FGF4: variants seen among roughly 807,000 people sequenced by gnomAD.
FGF4 encodes fibroblast growth factor 4.
FGF4 carries 9 observed loss-of-function variants against 15.7 expected under a neutral mutation model. The observed-to-expected ratio is 0.57, with a 90% CI of 0.35 to 1.00. The LOEUF is 1.00. Ranked by LOEUF, FGF4 falls within the 50% of genes least tolerant of loss-of-function variation. FGF4 has a pLI of 0.02. For synonymous variants in FGF4, 164 were observed against 144.8 expected, an observed-to-expected ratio of 1.13 and a Z score of -0.95; for missense variants, 286 against 297.3, an observed-to-expected ratio of 0.96 and a Z score of 0.28.
chr11:69,773,615 A>C, intron 2 of FGF4, 130 bp from the exon 3 acceptor site: 4 of 793,310 alleles, frequency 5.0e-6, no homozygotes, highest in Non-Finnish European at 8.3e-6. Flanking sequence ...CTGAGCAGTT[A>C]AGGTGTCAAG....
chr11:69,774,873 C>A lies in FGF4; in HGVS notation c.212G>T (p.Ser71Ile). 6.7e-7 allele frequency: 1 copy of A among 1,501,048 alleles called. No homozygotes were observed. The highest frequency in any genetic ancestry group is 8.8e-7 in the Non-Finnish European group (1 of 1,132,574). The allele number at this position is 1,501,048 out of a possible 1,614,324, so 93.0% of individuals were successfully genotyped here. Residue 71 changes from serine (S) to isoleucine (I), a missense_variant, in exon 1 of 3, where the codon AGC (serine) becomes ATC (isoleucine). Coordinates refer to ENST00000168712, the MANE Select transcript of FGF4 (RefSeq NM_002007.4). ...AAQPKEAAVQ[S>I]GAGDYLLGIK... ...GCCCAGCAGGTAGTCGCCGGCGCCG[C>A]TCTGGACGGCCGCCTCCTTGGGCTG...
At position 69,773,462 on chromosome 11, in the gene FGF4, C is replaced by T. The variant is rs200135119; in HGVS notation, c.468G>A (p.Thr156=). ...TGTTGGGAAGGAGAATCTCCTTGAA[C>T]GTGCACTCATCGGTGAAGAAGGGCT... ...YGSPFFTDEC[T]FKEILLPNNY... Residue 156 remains threonine, a synonymous_variant, in exon 3 of 3, where the codon ACG becomes ACA. Transcript: ENST00000168712. 6.8e-6 allele frequency: 11 copies of T among 1,614,054 alleles called. No homozygotes were observed. The highest frequency in any genetic ancestry group is 9.3e-6 in the Non-Finnish European group (11 of 1,180,032).
Position 69,774,108 on chromosome 11 carries a change from G to A in FGF4, c.360C>T (p.Pro120=), listed in dbSNP as rs978028266. 4 of 1,612,322 alleles carry A rather than the reference G, an allele frequency of 2.5e-6. No individual in the cohort carries two copies. Among genetic ancestry groups the A allele is most frequent in the African/African-American group, 2.7e-5 (2 of 74,946 alleles). ...DTRDSLLELS[P]VERGVVSIFG... is the part of the protein sequence containing the mutation. ...AGATGCTCACCACGCCCCGCTCCAC[G>A]GGCGAGAGCTCCAGCAGGCCTGGGG... The change falls in exon 2 of 3, where the codon CCC becomes CCT. Residue 120 remains proline, a synonymous_variant. Coordinates refer to ENST00000168712, the MANE Select transcript of FGF4 (RefSeq NM_002007.4).
Position 69,775,030 on chromosome 11 carries a change from AGGCCAGCAG to A in FGF4, c.46_54del (p.Leu19_Ala21del). 1 of 1,430,152 alleles carries A rather than the reference AGGCCAGCAG, an allele frequency of 7.0e-7. No homozygotes were observed. Among genetic ancestry groups the A allele is most frequent in the Non-Finnish European group, 9.1e-7 (1 of 1,098,212 alleles). 88.6% of individuals were successfully genotyped at this position (1,430,152 alleles called of 1,614,324 possible). A position where few individuals can be genotyped will look rare whatever the true frequency, so the allele number is the denominator to read the frequency against. On this transcript the variant is annotated inframe_deletion, in exon 1 of 3. Transcript: ENST00000168712. ...CCTCGGCCCGCCCAGGGCGCCAGCA[AGGCCAGCAG>A]GACCGCCGGGAGCAGCGCTACCGCG...
chr11:69,775,087 C>G lies in FGF4; in HGVS notation c.-3G>C. 1.5e-6 allele frequency: 2 copies of G among 1,325,738 alleles called. No homozygotes were observed. The allele number at this position is 1,325,738 out of a possible 1,614,324, so 82.1% of individuals were successfully genotyped here. A position where few individuals can be genotyped will look rare whatever the true frequency, so the allele number is the denominator to read the frequency against. Reference sequence around the variant, plus strand: ...GCGGCCGTCCCGGGCCCCGACATCCCGGCCCGAGGGCCGTGCGTCGGTCAG... The same window carrying G: ...GCGGCCGTCCCGGGCCCCGACATCCGGGCCCGAGGGCCGTGCGTCGGTCAG... On this transcript the variant is annotated 5_prime_UTR_variant, in exon 1 of 3. Transcript: ENST00000168712.
rs369464323 is a variant in FGF4, at chr11:69,771,484, C to G, written c.*1825G>C. The stretch of plus-strand genomic sequence containing the variant: ...CGGATGATCCCTCCACACCCCCCAA[C>G]GCCAAACAGCATGGAGACCTACAAA... On this transcript the variant is annotated 3_prime_UTR_variant, in exon 3 of 3. Transcript: ENST00000168712. 3 of 152,288 alleles carry G rather than the reference C, an allele frequency of 2.0e-5. No homozygotes were observed. Among genetic ancestry groups the G allele is most frequent in the African/African-American group, 7.2e-5 (3 of 41,568 alleles). The allele number at this position is 152,288 out of a possible 1,614,324, so 9.4% of individuals were successfully genotyped here.
chr11:69,774,747 T>C lies in FGF4; in HGVS notation c.338A>G (p.Asp113Gly). 6.7e-7 allele frequency: 1 copy of C among 1,485,294 alleles called. No homozygotes were observed. Among genetic ancestry groups the C allele is most frequent in the Non-Finnish European group, 8.9e-7 (1 of 1,126,584 alleles). The allele number at this position is 1,485,294 out of a possible 1,614,324, so 92.0% of individuals were successfully genotyped here. A position where few individuals can be genotyped will look rare whatever the true frequency, so the allele number is the denominator to read the frequency against. The change falls in exon 1 of 3, where the codon GAC becomes GGC. Residue 113 changes from aspartate to glycine, a missense_variant and splice_region_variant. By Grantham distance (94) the Asp-to-Gly change is moderately conservative. Transcript: ENST00000168712. ...TCGCGCCTGGCCGCGCCACTCACTG[T>C]CGCGGGTGTCCGCGTGCGCGCCGCC... ...RIGGAHADTR[D>G]SLLELSPVER...
At position 69,775,047 on chromosome 11, in the gene FGF4, G is replaced by C. The variant is rs1345315922; in HGVS notation, c.38C>G (p.Pro13Arg). The C allele has an allele frequency of 8.6e-6, 12 of 1,397,630 alleles. No individual in the cohort carries two copies. Among genetic ancestry groups the C allele is most frequent in the Non-Finnish European group, 1.1e-5 (12 of 1,083,276 alleles). 86.6% of individuals were successfully genotyped at this position (1,397,630 alleles called of 1,614,324 possible). The change falls in exon 1 of 3, where the codon CCG becomes CGG. Residue 13 changes from proline (P) to arginine (R), a missense_variant. Physicochemically the swap from Pro to Arg is moderately radical, Grantham distance 103. Coordinates refer to ENST00000168712, the MANE Select transcript of FGF4 (RefSeq NM_002007.4). Reference protein sequence around the residue: ...GPGTAAVALLPAVLLALLAPW... With the variant: ...GPGTAAVALLRAVLLALLAPW... Reference sequence around the variant, plus strand: ...CGCCAGCAAGGCCAGCAGGACCGCCGGGAGCAGCGCTACCGCGGCCGTCCC... The same window carrying C: ...CGCCAGCAAGGCCAGCAGGACCGCCCGGAGCAGCGCTACCGCGGCCGTCCC...
chr11:69,774,718 C>T, intron 1 of FGF4, 27 bp downstream of exon 1: 1 of 1,406,160 alleles, frequency 7.1e-7, no homozygotes, highest in Non-Finnish European at 9.2e-7. Flanking sequence ...CCGCCCCCGC[C>T]CCTTCGCGCC....
rs1855593161 is a variant in FGF4 at position 69,773,194 on chromosome 11, T to C, written c.*115A>G. ...TACACATTTAAATAATTAATTTAAA[T>C]ATCTTACACCTACTCTTGCATTAAA... On this transcript the variant is annotated 3_prime_UTR_variant, in exon 3 of 3. Coordinates refer to ENST00000168712, the MANE Select transcript of FGF4 (RefSeq NM_002007.4). 4 of 712,532 alleles carry C rather than the reference T, an allele frequency of 5.6e-6. No individual in the cohort carries two copies. Among genetic ancestry groups the C allele is most frequent in the Non-Finnish European group, 7.0e-6 (3 of 429,036 alleles). 44.1% of individuals were successfully genotyped at this position (712,532 alleles called of 1,614,324 possible).
At position 69,775,278 on chromosome 11, in the gene FGF4, G is replaced by A. The variant is rs1046588443; in HGVS notation, c.-194C>T. ...CCCCGGCTGCATGGAGCGGCGAGCC[G>A]GGCGGAAAGCGCGCGGCTGGAGCTG... On this transcript the variant is annotated 5_prime_UTR_variant, in exon 1 of 3. Transcript: ENST00000168712. 7.2e-5 allele frequency: 28 copies of A among 389,530 alleles called. No individual in the cohort carries two copies. Among genetic ancestry groups the A allele is most frequent in the Non-Finnish European group, 9.9e-5 (22 of 222,448 alleles). 24.1% of individuals were successfully genotyped at this position (389,530 alleles called of 1,614,324 possible).
chr11:69,774,214 C>G, intron 1 of FGF4, 87 bp from the exon 2 acceptor site: 1 of 1,115,638 alleles, frequency 9.0e-7, no homozygotes. Context: ...GACCCTATTT[C>G]TGGGGTGGGG....
Position 69,774,987 on chromosome 11 carries a change from G to C in FGF4, c.98C>G (p.Thr33Ser). ...GGCCTCCAGCGTGCCGTTGGGTGCAGTGGGTGCGGCGGCGCCCCCTCGGCC... is the reference window on the plus strand; with the variant it reads ...GGCCTCCAGCGTGCCGTTGGGTGCACTGGGTGCGGCGGCGCCCCCTCGGCC... ...WAGRGGAAAP[T>S]APNGTLEAEL... is the part of the protein sequence containing the mutation. The change falls in exon 1 of 3, where the codon ACT becomes AGT. Residue 33 changes from threonine to serine, a missense_variant. Physicochemically the swap from Thr to Ser is moderately conservative, Grantham distance 58. Coordinates refer to ENST00000168712, the MANE Select transcript of FGF4 (RefSeq NM_002007.4). The C allele has an allele frequency of 1.4e-6, 2 of 1,468,648 alleles. No homozygotes were observed. Among genetic ancestry groups the C allele is most frequent in the Non-Finnish European group, 1.8e-6 (2 of 1,117,900 alleles). 91.0% of individuals were successfully genotyped at this position (1,468,648 alleles called of 1,614,324 possible).
intron 2 of FGF4, among the ~76,000 whole-genome samples, chr11:69,773,814 T>G (rs1855604897): frequency 6.6e-6 from 1 of 152,166 alleles, no homozygotes; most frequent in Non-Finnish European, 1.5e-5. Context: ...TTCCTCGGTC[T>G]GGGAGGGGCC....
Position 69,773,224 on chromosome 11 carries a change from T to G in FGF4, c.*85A>C, listed in dbSNP as rs1855593872. The G allele has an allele frequency of 2.7e-6, 3 of 1,099,054 alleles. No homozygotes were observed. The highest frequency in any genetic ancestry group is 4.0e-6 in the Non-Finnish European group (3 of 741,226). The allele number at this position is 1,099,054 out of a possible 1,614,324, so 68.1% of individuals were successfully genotyped here. A position where few individuals can be genotyped will look rare whatever the true frequency, so the allele number is the denominator to read the frequency against. ...TACACCTACTCTTGCATTAAACTCT[T>G]CATCCGAAGAAAGTGCACCAAGGTG... On this transcript the variant is annotated 3_prime_UTR_variant, in exon 3 of 3. Transcript: ENST00000168712.
intron 1 of FGF4, among the ~76,000 whole-genome samples, 185 bp from the exon 2 acceptor site, chr11:69,774,312 G>A (rs1855612080): frequency 6.6e-6 from 1 of 152,232 alleles, no homozygotes; most frequent in East Asian, 1.9e-4. Flanking sequence ...CGGAGCCCAA[G>A]CCTGCGCTAG....
At chr11:69,773,838 C>T (rs371410395) in intron 2 of FGF4, among the ~76,000 whole-genome samples, 186 bp downstream of exon 2, 25 of 152,174 alleles carry the variant, frequency 1.6e-4, no homozygotes, top group African/African-American at 5.8e-4. Context: ...TCAGGGATGG[C>T]AGGAACCTCA....
In FGF4 at chr11:69,774,138, G is replaced by A. The variant is rs1396081618; in HGVS notation, c.341-11C>T. On this transcript the variant is annotated splice_polypyrimidine_tract_variant and intron_variant, in intron 1 of 2. Coordinates refer to ENST00000168712, the MANE Select transcript of FGF4 (RefSeq NM_002007.4). ...AGAGCTCCAGCAGGCCTGGGGGCGG[G>A]GCGCAGGTCATTGCGGGGCAGGTGA... 1.1e-5 allele frequency: 17 copies of A among 1,606,248 alleles called. No individual in the cohort carries two copies. The highest frequency in any genetic ancestry group is 1.4e-5 in the Non-Finnish European group (16 of 1,176,258).
In FGF4 at chr11:69,774,977, G is replaced by A. The variant is rs1181256293; in HGVS notation, c.108C>T (p.Asn36=). The A allele has an allele frequency of 4.7e-6, 7 of 1,474,750 alleles. No individual in the cohort carries two copies. Among genetic ancestry groups the A allele is most frequent in the Admixed American group, 2.4e-5 (1 of 42,086 alleles). The allele number at this position is 1,474,750 out of a possible 1,614,324, so 91.4% of individuals were successfully genotyped here. Residue 36 remains asparagine (N), a synonymous_variant, in exon 1 of 3, where the codon AAC becomes AAT. Coordinates refer to ENST00000168712, the MANE Select transcript of FGF4 (RefSeq NM_002007.4). The part of the protein sequence containing the change: ...RGGAAAPTAP[N]GTLEAELERR... ...GCTCCAGCTCGGCCTCCAGCGTGCCGTTGGGTGCAGTGGGTGCGGCGGCGC... is the reference window on the plus strand; with the variant it reads ...GCTCCAGCTCGGCCTCCAGCGTGCCATTGGGTGCAGTGGGTGCGGCGGCGC...
Sources: allele counts gnomAD v4.1 joint callset (sites outside exome capture counted in the v4.1 genomes callset), GRCh38; gene constraint gnomAD v4.1.1; transcripts MANE v1.5; gene names NCBI Gene and HGNC (gene_info 2026-07-23, HGNC 2026-07-21).